SYNE1: variants seen among roughly 807,000 people sequenced by gnomAD.
SYNE1 encodes spectrin repeat containing nuclear envelope protein 1, also known as nesprin-1.
SYNE1 carries 616 observed loss-of-function variants against 1,111.0 expected under a neutral mutation model. The ratio of observed to expected loss-of-function variants is 0.55; its 90% CI spans 0.52 to 0.59. SYNE1 has a LOEUF of 0.59. SYNE1 is among the 20% of genes least tolerant of loss of function. The pLI, the probability that SYNE1 is intolerant of heterozygous loss-of-function variation, is 0.00. For missense variants in SYNE1, 10,006 were observed against 10,417.0 expected, an observed-to-expected ratio of 0.96 and a Z score of 1.72; for synonymous variants, 3,855 against 3,825.8, an observed-to-expected ratio of 1.01 and a Z score of -0.28.
chr6:152,233,677 G>T, intron 112 of SYNE1, 104 bp downstream of exon 112: 1 of 1,410,074 alleles, frequency 7.1e-7, no homozygotes, highest in Admixed American at 1.9e-5. Flanking sequence ...CCAGGTGTCT[G>T]GGACAAAGCT....
chr6:152,385,590 C>G, intron 55 of SYNE1, 84 bp downstream of exon 55: 1 of 1,490,304 alleles, frequency 6.7e-7, no homozygotes, highest in South Asian at 1.1e-5. Flanking sequence ...TTTTAAATAA[C>G]AGAATCTTAT....
chr6:152,277,976 A>G lies in SYNE1; in HGVS notation c.18573+113T>C, dbSNP rs1429862521. The G allele has an allele frequency of 2.7e-6, 3 of 1,099,414 alleles. No individual in the cohort carries two copies. The African/African-American group carries it at 4.6e-5, about 17-fold the overall frequency. The allele number at this position is 1,099,414 out of a possible 1,614,324, so 68.1% of individuals were successfully genotyped here. A position where few individuals can be genotyped will look rare whatever the true frequency, so the allele number is the denominator to read the frequency against. On this transcript the variant is annotated intron_variant, in intron 98 of 145. Coordinates refer to ENST00000367255, the MANE Select transcript of SYNE1 (RefSeq NM_182961.4). ...GCTAAAATGTCAGCGTAAAGCAGGTACACACACAAGTACGCGTCACCGCCA... is the reference window on the plus strand; with the variant it reads ...GCTAAAATGTCAGCGTAAAGCAGGTGCACACACAAGTACGCGTCACCGCCA...
chr6:152,579,645 T>C (rs2099512795), intron 3 of SYNE1, among the ~76,000 whole-genome samples: 1 of 152,160 alleles, frequency 6.6e-6, no homozygotes, highest in Non-Finnish European at 1.5e-5. Flanking sequence ...ACTCAATAGG[T>C]AGTTTTTCAA....
intron 36 of SYNE1, 66 bp downstream of exon 36, chr6:152,430,046 C>A (rs1287274937): frequency 8.7e-7 from 1 of 1,144,412 alleles, no homozygotes; most frequent in East Asian, 2.6e-5. Flanking sequence ...ACTGTATTTT[C>A]TTTTCAAGTG....
At chr6:152,130,820 G>A (rs2055373598) in intron 144 of SYNE1, 42 bp from the exon 145 acceptor site, 1 of 1,601,544 alleles carries the variant, frequency 6.2e-7, no homozygotes, top group Non-Finnish European at 8.6e-7. Flanking sequence ...AGAATGTTCA[G>A]TCCAGGCAAA....
chr6:152,155,310 G>A (rs776317095), intron 132 of SYNE1: 2 of 438,812 alleles, frequency 4.6e-6, no homozygotes, highest in South Asian at 2.2e-5. Flanking sequence ...CACATCACAC[G>A]AGCTGCCTTG....
Position 152,471,692 on chromosome 6 carries a change from G to A in SYNE1, c.1537C>T (p.Leu513Phe). ...GACTCTGCAAGAACCAGCAGTGAGA[G>A]CAGACGGTACTTTAATTCTAAAAAT... ...MEFLELKYRL[L>F]SLLVLAESKL... The change falls in exon 16 of 146, where the codon CTC becomes TTC. Residue 513 changes from leucine to phenylalanine, a missense_variant. Physicochemically the swap from Leu to Phe is conservative, Grantham distance 22. This residue lies in a region of SYNE1 where 1,971 missense variants were observed against 2,084.1 expected (regional missense o/e 0.95). Coordinates refer to ENST00000367255, the MANE Select transcript of SYNE1 (RefSeq NM_182961.4). 6.2e-7 allele frequency: 1 copy of A among 1,614,000 alleles called. No individual in the cohort carries two copies. Among genetic ancestry groups the A allele is most frequent in the South Asian group, 1.1e-5 (1 of 91,084 alleles).
intron 3 of SYNE1, among the ~76,000 whole-genome samples, chr6:152,553,654 A>G (rs1210128946): frequency 6.6e-6 from 1 of 152,128 alleles, no homozygotes; most frequent in Non-Finnish European, 1.5e-5. Flanking sequence ...TCAACAGAGC[A>G]GGAAATGTTT....
intron 138 of SYNE1, among the ~76,000 whole-genome samples, chr6:152,143,171 C>T (rs992008768): frequency 2.0e-5 from 3 of 152,122 alleles, no homozygotes; most frequent in African/African-American, 7.2e-5. Flanking sequence ...AATGAGCACA[C>T]TAAAAAACAG....
intron 98 of SYNE1, among the ~76,000 whole-genome samples, chr6:152,275,966 T>C (rs1348211581): frequency 6.6e-6 from 1 of 151,320 alleles, no homozygotes; most frequent in Non-Finnish European, 1.5e-5. Context: ...AAATTTTATA[T>C]GGGATATTAC....
rs143736986 is a variant in SYNE1, at chr6:152,579,393, G to A, written c.68-39372C>T. On this transcript the variant is annotated intron_variant, in intron 3 of 145. Coordinates refer to ENST00000367255, the MANE Select transcript of SYNE1 (RefSeq NM_182961.4). ...CCAGGCCACAGGCAGAGGCCATGTG[G>A]CAGATGTTCCAGCTAAAGTCTCAGC... Among the ~76,000 whole-genome samples, 953 of 152,360 alleles carry A rather than the reference G, an allele frequency of 6.3e-3. 6 individuals carry two copies. Among genetic ancestry groups the A allele is most frequent in the Non-Finnish European group, 0.012 (792 of 68,036 alleles).
chr6:152,324,470 A>G (rs2095989990), intron 81 of SYNE1, among the ~76,000 whole-genome samples: 1 of 151,972 alleles, frequency 6.6e-6, no homozygotes, highest in Admixed American at 6.6e-5. Context: ...TGGTAAAGAA[A>G]AAGTATCTCA....
At chr6:152,622,105 T>C (rs1213907833) in intron 3 of SYNE1, among the ~76,000 whole-genome samples, 1 of 152,180 alleles carries the variant, frequency 6.6e-6, no homozygotes, top group Admixed American at 6.6e-5. Flanking sequence ...GATCACTGTT[T>C]TGTATCATAC....
At chr6:152,247,484 T>C (rs1173926081) in intron 105 of SYNE1, among the ~76,000 whole-genome samples, 1 of 151,876 alleles carries the variant, frequency 6.6e-6, no homozygotes, top group Non-Finnish European at 1.5e-5. Flanking sequence ...GAATCACACA[T>C]ACATTATAAG....
chr6:152,333,113 T>G (rs1171240572), intron 77 of SYNE1, among the ~76,000 whole-genome samples: 1 of 152,214 alleles, frequency 6.6e-6, no homozygotes, highest in Non-Finnish European at 1.5e-5. Flanking sequence ...TGTAAACTAG[T>G]AAATCGGTGC....
intron 82 of SYNE1, among the ~76,000 whole-genome samples, chr6:152,322,336 T>C (rs997325787): frequency 2.0e-5 from 3 of 152,178 alleles, no homozygotes; most frequent in Non-Finnish European, 2.9e-5. Flanking sequence ...TTTGAATTAA[T>C]GTAAATTTGG....
chr6:152,250,885 TATAAC>T (rs2088978042), intron 104 of SYNE1, among the ~76,000 whole-genome samples: 1 of 152,224 alleles, frequency 6.6e-6, no homozygotes, highest in Non-Finnish European at 1.5e-5. Flanking sequence ...GCTAAGTATA[TATAAC>T]ATAACATGGG....
At chr6:152,430,382 T>C in intron 35 of SYNE1, 100 bp downstream of exon 35, 1 of 1,219,728 alleles carries the variant, frequency 8.2e-7, no homozygotes, top group Non-Finnish European at 1.2e-6. Context: ...TCACAAATTA[T>C]GTCTTTCTCT....
chr6:152,135,116 G>T lies in SYNE1; in HGVS notation c.25776C>A (p.His8592Gln), dbSNP rs544950546. The change falls in exon 142 of 146, where the codon CAC becomes CAA. Residue 8592 changes from histidine to glutamine, a missense_variant. Coordinates refer to ENST00000367255, the MANE Select transcript of SYNE1 (RefSeq NM_182961.4). ...TCACACATCTTACCATAAGCTGTTT[G>T]TGATGGTCCTGAAGTATCTCTGCAT... ...NLDAEILQDH[H>Q]KQLMQIKHEL... 10 of 1,614,022 alleles carry T rather than the reference G, an allele frequency of 6.2e-6. No homozygotes were observed. Among genetic ancestry groups the T allele is most frequent in the African/African-American group, 1.3e-5 (1 of 74,928 alleles).
Sources: allele counts gnomAD v4.1 joint callset (sites outside exome capture counted in the v4.1 genomes callset), GRCh38; gene constraint gnomAD v4.1.1; regional missense constraint gnomAD v4.1.1; transcripts MANE v1.5; gene names NCBI Gene and HGNC (gene_info 2026-07-23, HGNC 2026-07-21).